The following SPATA17 variants were observed in gnomAD, a reference collection of about 807,000 sequenced individuals.
The protein encoded by SPATA17 is spermatogenesis-associated protein 17.
In SPATA17, 53 loss-of-function variants were observed where a neutral mutation model predicts 62.2. The ratio of observed to expected loss-of-function variants is 0.85; its 90% CI spans 0.68 to 1.07. The LOEUF (loss-of-function observed/expected upper bound fraction) is 1.07, where lower values mean the gene tolerates loss of function less well. Among genes scored for constraint, SPATA17 ranks in the 50% least tolerant of loss-of-function variants. SPATA17 has a pLI of 0.00. For synonymous variants in SPATA17, 146 were observed against 146.8 expected (o/e 0.99, Z 0.04); for missense variants, 466 against 425.5 (o/e 1.10, Z -0.84).
At chr1:217,676,362 A>C (rs1326201423) in intron 4 of SPATA17, among the ~76,000 whole-genome samples, 1 of 152,096 alleles carries the variant, frequency 6.6e-6, no homozygotes, top group African/African-American at 2.4e-5. Flanking sequence ...CAGATCACAC[A>C]GATTTTTGAA....
chr1:217,672,237 C>T (rs115058024), intron 4 of SPATA17, among the ~76,000 whole-genome samples: 7,676 of 152,176 alleles, frequency 0.05, 253 homozygotes, highest in Middle Eastern at 0.12. Flanking sequence ...CTAATAAATA[C>T]GATTCTGCTT....
At chr1:217,756,302 T>G (rs571211640) in intron 6 of SPATA17, among the ~76,000 whole-genome samples, 2 of 144,610 alleles carry the variant, frequency 1.4e-5, no homozygotes, top group Non-Finnish European at 3.1e-5. Context: ...TGTCTATATT[T>G]GCCCAAATAT....
chr1:217,771,211 G>A (rs1348875668), intron 6 of SPATA17, among the ~76,000 whole-genome samples: 4 of 150,862 alleles, frequency 2.7e-5, no homozygotes, highest in South Asian at 2.1e-4. Context: ...AAATAACTCA[G>A]TTGTAGGCTT....
At chr1:217,719,257 G>T (rs1420531938) in intron 5 of SPATA17, among the ~76,000 whole-genome samples, 1 of 152,142 alleles carries the variant, frequency 6.6e-6, no homozygotes, top group African/African-American at 2.4e-5. Context: ...CACTATACCC[G>T]TGTAGCAGGA....
chr1:217,832,679 A>G (rs112610380), intron 9 of SPATA17, among the ~76,000 whole-genome samples: 9,296 of 152,236 alleles, frequency 0.061, 398 homozygotes, highest in East Asian at 0.15. Flanking sequence ...ACAGTTGCTC[A>G]TGTCTGTAAT....
intron 1 of SPATA17, among the ~76,000 whole-genome samples, chr1:217,642,730 G>A (rs1670093293): frequency 6.6e-6 from 1 of 152,166 alleles, no homozygotes; most frequent in Non-Finnish European, 1.5e-5. Context: ...CTCACCTGCC[G>A]CCATGTAAGA....
chr1:217,726,834 G>T (rs1213337669), intron 5 of SPATA17, among the ~76,000 whole-genome samples: 1 of 151,626 alleles, frequency 6.6e-6, no homozygotes, highest in South Asian at 2.1e-4. Flanking sequence ...ATAAATATTG[G>T]CTATTATTAT....
At chr1:217,823,132 T>A (rs959664915) in intron 9 of SPATA17, among the ~76,000 whole-genome samples, 3 of 151,938 alleles carry the variant, frequency 2.0e-5, no homozygotes, top group Non-Finnish European at 1.5e-5. Context: ...TTCAGAGACA[T>A]TTTTTGTTTG....
chr1:217,700,873 T>C (rs1326566100), intron 5 of SPATA17, among the ~76,000 whole-genome samples: 1 of 151,532 alleles, frequency 6.6e-6, no homozygotes, highest in East Asian at 1.9e-4. Context: ...CCCAAAGTGC[T>C]GGGATTACGG....
chr1:217,743,606 CT>C (rs888296945), intron 6 of SPATA17, among the ~76,000 whole-genome samples: 74 of 144,896 alleles, frequency 5.1e-4, no homozygotes, highest in Admixed American at 1.1e-3. Context: ...TGAAATCATT[CT>C]TTTTTTTTTT....
intron 9 of SPATA17, among the ~76,000 whole-genome samples, chr1:217,855,078 C>T (rs138950576): frequency 1.2e-4 from 19 of 152,274 alleles, no homozygotes; most frequent in Admixed American, 8.5e-4. Flanking sequence ...GTAAGAAACA[C>T]TTAGTGTTGT....
chr1:217,862,485 G>A (rs914312213), intron 9 of SPATA17, among the ~76,000 whole-genome samples: 18 of 152,200 alleles, frequency 1.2e-4, no homozygotes, highest in Middle Eastern at 3.4e-3. Context: ...TTTAGATTGC[G>A]ACTCATTGAA....
intron 10 of SPATA17, among the ~76,000 whole-genome samples, chr1:217,864,884 G>A (rs1164499503): frequency 6.6e-6 from 1 of 152,022 alleles, no homozygotes. Context: ...ACAAAGATGA[G>A]TAACAAATGG....
At chr1:217,862,625 C>A in intron 9 of SPATA17, 149 bp from the exon 10 acceptor site, 1 of 564,438 alleles carries the variant, frequency 1.8e-6, no homozygotes, top group South Asian at 2.7e-5. Context: ...AAAAATTTAC[C>A]TGCTAATTTT....
At chr1:217,827,490 C>A (rs780072713) in intron 9 of SPATA17, among the ~76,000 whole-genome samples, 1 of 152,002 alleles carries the variant, frequency 6.6e-6, no homozygotes, top group Admixed American at 6.6e-5. Context: ...GATTTAGAAC[C>A]GGAAACACAT....
At chr1:217,681,803 A>G (rs1671091333) in intron 4 of SPATA17, among the ~76,000 whole-genome samples, 1 of 152,076 alleles carries the variant, frequency 6.6e-6, no homozygotes, top group Non-Finnish European at 1.5e-5. Flanking sequence ...TTTCCGGTTA[A>G]TTTTTTATTG....
At chr1:217,830,021 A>G (rs1675096510) in intron 9 of SPATA17, among the ~76,000 whole-genome samples, 1 of 152,076 alleles carries the variant, frequency 6.6e-6, no homozygotes, top group African/African-American at 2.4e-5. Context: ...CCCCTAAACT[A>G]ATGTTGTAAA....
chr1:217,651,547 C>T (rs1670313384), intron 3 of SPATA17, among the ~76,000 whole-genome samples: 1 of 152,266 alleles, frequency 6.6e-6, no homozygotes, highest in South Asian at 2.1e-4. Flanking sequence ...TAATGCCTTG[C>T]CCAGAACACA....
chr1:217,735,140 G>A (rs756321998), intron 5 of SPATA17, among the ~76,000 whole-genome samples: 3 of 152,210 alleles, frequency 2.0e-5, no homozygotes, highest in Non-Finnish European at 4.4e-5. Context: ...TGTTTTGGGA[G>A]GGGCACATCA....
Sources: gnomAD v4.1 joint callset for allele counts (sites outside exome capture counted in the v4.1 genomes callset) on GRCh38, gnomAD v4.1.1 for gene constraint, MANE v1.5 for transcripts, NCBI Gene and HGNC (gene_info 2026-07-23, HGNC 2026-07-21) for gene names.